The following HIBADH variants were observed in gnomAD, a reference collection of about 807,000 sequenced individuals.
The protein encoded by HIBADH is 3-hydroxyisobutyrate dehydrogenase.
In HIBADH, 25 loss-of-function variants were observed where a neutral mutation model predicts 36.1. The ratio of observed to expected loss-of-function variants is 0.69; its 90% CI spans 0.50 to 0.97. The LOEUF is 0.97. Among genes scored for constraint, HIBADH ranks in the 50% least tolerant of loss-of-function variants. The probability of loss-of-function intolerance (pLI) is 0.00; values close to 1 mark genes in which losing one functional copy is unlikely to be tolerated. For missense variants in HIBADH, 421 were observed against 418.0 expected (o/e 1.01, Z -0.06); for synonymous variants, 160 against 149.5 (o/e 1.07, Z -0.51).
At chr7:27,631,981 TA>T (rs1363144624) in intron 3 of HIBADH, among the ~76,000 whole-genome samples, 1 of 152,226 alleles carries the variant, frequency 6.6e-6, no homozygotes, top group Admixed American at 6.5e-5. Context: ...ATATTTTTCA[TA>T]AAACCCTTTT....
intron 7 of HIBADH, among the ~76,000 whole-genome samples, chr7:27,530,421 G>A (rs966933087): frequency 6.6e-6 from 1 of 152,024 alleles, no homozygotes; most frequent in Non-Finnish European, 1.5e-5. Flanking sequence ...TAGCCAGGCT[G>A]GTCTCGAACT....
chr7:27,589,382 C>T (rs1784909185), intron 4 of HIBADH, among the ~76,000 whole-genome samples: 1 of 152,116 alleles, frequency 6.6e-6, no homozygotes, highest in African/African-American at 2.4e-5. Flanking sequence ...GCTGCTAGCT[C>T]TCAAATTCTT....
At chr7:27,550,921 A>C (rs1784308535) in intron 4 of HIBADH, among the ~76,000 whole-genome samples, 1 of 152,240 alleles carries the variant, frequency 6.6e-6, no homozygotes. Context: ...AGCTCTTTTT[A>C]GTATCAATGT....
intron 6 of HIBADH, among the ~76,000 whole-genome samples, chr7:27,536,196 A>G (rs1464450886): frequency 6.6e-6 from 1 of 152,176 alleles, no homozygotes; most frequent in Non-Finnish European, 1.5e-5. Context: ...CCGTGAAGAA[A>G]AGACAATAGC....
chr7:27,544,148 G>T (rs1474607816), intron 4 of HIBADH, among the ~76,000 whole-genome samples: 1 of 152,176 alleles, frequency 6.6e-6, no homozygotes, highest in African/African-American at 2.4e-5. Flanking sequence ...TTAGACAGCT[G>T]CAGGTAATGG....
chr7:27,626,098 G>A lies in HIBADH; in HGVS notation c.484+3273C>T, dbSNP rs186919149. Among the ~76,000 whole-genome samples the A allele has an allele frequency of 9.5e-4, 27 of 28,502 alleles. No homozygotes were observed. The East Asian group carries it at 0.019, about 20-fold the overall frequency. The allele number at this position is 28,502 out of a possible 152,430, so 18.7% of individuals were successfully genotyped here. ...AGCCTGGGTGACACAGTGAGACTCC[G>A]TCTCAGAAAAAAAAAAAAAAAAAAA... On this transcript the variant is annotated intron_variant, in intron 4 of 7. Coordinates refer to ENST00000265395, the MANE Select transcript of HIBADH (RefSeq NM_152740.4).
At chr7:27,534,365 T>C (rs1349447345) in intron 6 of HIBADH, among the ~76,000 whole-genome samples, 5 of 152,156 alleles carry the variant, frequency 3.3e-5, no homozygotes, top group East Asian at 3.8e-4. Context: ...CAGTTTTAAT[T>C]AATCAATCAC....
intron 2 of HIBADH, among the ~76,000 whole-genome samples, chr7:27,641,040 T>C (rs945423274): frequency 1.3e-5 from 2 of 152,120 alleles, no homozygotes; most frequent in Non-Finnish European, 2.9e-5. Flanking sequence ...GTGGCCATCT[T>C]GCACCTTGAA....
At chr7:27,662,500 G>C (rs555521312) in intron 1 of HIBADH, among the ~76,000 whole-genome samples, 198 bp downstream of exon 1, 1 of 152,320 alleles carries the variant, frequency 6.6e-6, no homozygotes, top group Non-Finnish European at 1.5e-5. Flanking sequence ...GGGAGAAAGG[G>C]AGGGAAGGCA....
At chr7:27,555,500 C>T (rs997203039) in intron 4 of HIBADH, among the ~76,000 whole-genome samples, 1 of 151,860 alleles carries the variant, frequency 6.6e-6, no homozygotes, top group African/African-American at 2.4e-5. Context: ...AACTATCTAT[C>T]AGCTAATTCT....
At chr7:27,654,677 T>G (rs1271662616) in intron 1 of HIBADH, among the ~76,000 whole-genome samples, 1 of 137,842 alleles carries the variant, frequency 7.3e-6, no homozygotes, top group Non-Finnish European at 1.5e-5. Flanking sequence ...TGATGATGGA[T>G]ATGTTTACCA....
intron 4 of HIBADH, among the ~76,000 whole-genome samples, chr7:27,557,799 CCAGT>C (rs1784414247): frequency 6.6e-6 from 1 of 152,154 alleles, no homozygotes; most frequent in South Asian, 2.1e-4. Flanking sequence ...TTTACATTGG[CCAGT>C]AAGTATTAAC....
At chr7:27,598,362 GA>G in intron 4 of HIBADH, among the ~76,000 whole-genome samples, 1 of 152,202 alleles carries the variant, frequency 6.6e-6, no homozygotes, top group Middle Eastern at 3.4e-3. Flanking sequence ...TAGAAGTTAT[GA>G]AGAAAAATGT....
At chr7:27,648,795 A>G (rs1052205318) in intron 2 of HIBADH, among the ~76,000 whole-genome samples, 6 of 152,350 alleles carry the variant, frequency 3.9e-5, no homozygotes, top group Non-Finnish European at 7.3e-5. Context: ...TTCTTTAAAC[A>G]TGAATGATAG....
chr7:27,530,101 C>T (rs959615902), intron 7 of HIBADH, among the ~76,000 whole-genome samples: 3 of 152,180 alleles, frequency 2.0e-5, no homozygotes, highest in Non-Finnish European at 4.4e-5. Context: ...TTTATATGTA[C>T]TGGGAAACCA....
At chr7:27,595,808 G>A (rs910275515) in intron 4 of HIBADH, among the ~76,000 whole-genome samples, 3 of 151,930 alleles carry the variant, frequency 2.0e-5, no homozygotes, top group African/African-American at 4.8e-5. Context: ...ATAAAATTAC[G>A]CATAAAGGAC....
rs1356259710 is a variant in HIBADH at position 27,662,642 on chromosome 7, C to G, written c.91+56G>C. ...GAAAAGACTTCTTCGGCCGTCTGGA[C>G]AGAAGAAGCGAGCGGCCGAAAGAAG... is the stretch of plus-strand genomic sequence containing the variant. On this transcript the variant is annotated intron_variant, in intron 1 of 7. Coordinates refer to ENST00000265395, the MANE Select transcript of HIBADH (RefSeq NM_152740.4). 13 of 1,119,814 alleles carry G rather than the reference C, an allele frequency of 1.2e-5. No individual in the cohort carries two copies. The East Asian group carries it at 2.3e-4, about 19-fold the overall frequency. 69.4% of individuals were successfully genotyped at this position (1,119,814 alleles called of 1,614,324 possible).
chr7:27,531,439 C>CTG, intron 6 of HIBADH, 91 bp from the exon 7 acceptor site: 1 of 1,137,996 alleles, frequency 8.8e-7, no homozygotes, highest in Non-Finnish European at 1.2e-6. Context: ...CATCTTCTCT[C>CTG]TCCATTTATT....
chr7:27,565,898 C>T (rs190184887), intron 4 of HIBADH, among the ~76,000 whole-genome samples: 1 of 152,084 alleles, frequency 6.6e-6, no homozygotes, highest in East Asian at 1.9e-4. Flanking sequence ...ATCTATATGT[C>T]ATACATACAT....
Sources: allele counts gnomAD v4.1 joint callset (sites outside exome capture counted in the v4.1 genomes callset), GRCh38; gene constraint gnomAD v4.1.1; transcripts MANE v1.5; gene names NCBI Gene and HGNC (gene_info 2026-07-23, HGNC 2026-07-21).